The following ADAMTS17 variants were observed in gnomAD, a reference collection of about 807,000 sequenced individuals.
ADAMTS17 encodes ADAM metallopeptidase with thrombospondin type 1 motif 17, also known as A disintegrin and metalloproteinase with thrombospondin motifs 17.
In ADAMTS17, 113 loss-of-function variants were observed where a neutral mutation model predicts 141.5. The ratio of observed to expected loss-of-function variants is 0.80; its 90% confidence interval spans 0.69 to 0.93. The LOEUF is 0.93. Among genes scored for constraint, ADAMTS17 ranks in the 40% least tolerant of loss-of-function variants. The pLI, the probability that ADAMTS17 is intolerant of heterozygous loss-of-function variation, is 0.00. For synonymous variants in ADAMTS17, 768 were observed against 630.6 expected (o/e 1.22, Z -3.27); for missense variants, 1,659 against 1,517.9 (o/e 1.09, Z -1.54).
intron 20 of ADAMTS17, among the ~76,000 whole-genome samples, chr15:99,990,339 G>C (rs1204757593): frequency 6.6e-6 from 1 of 152,112 alleles, no homozygotes; most frequent in East Asian, 1.9e-4. Context: ...CCCAGCCAAA[G>C]CACACATATC....
chr15:100,019,366 C>G (rs553810387), intron 18 of ADAMTS17, among the ~76,000 whole-genome samples: 1 of 152,070 alleles, frequency 6.6e-6, no homozygotes, highest in African/African-American at 2.4e-5. Flanking sequence ...TATGACTTAA[C>G]GGATGTGAAA....
chr15:99,992,948 A>C (rs1406633297), intron 20 of ADAMTS17, 100 bp downstream of exon 20: 1 of 1,465,800 alleles, frequency 6.8e-7, no homozygotes. Context: ...TTACGCTGGG[A>C]CTGCCGCGTA....
intron 8 of ADAMTS17, among the ~76,000 whole-genome samples, chr15:100,182,228 G>A (rs535480858): frequency 2.0e-5 from 3 of 152,358 alleles, no homozygotes; most frequent in South Asian, 4.1e-4. Context: ...GGGGAAGCAA[G>A]GACCTTTTTC....
intron 7 of ADAMTS17, among the ~76,000 whole-genome samples, chr15:100,234,374 T>A (rs2042587925): frequency 6.6e-6 from 1 of 152,164 alleles, no homozygotes; most frequent in Non-Finnish European, 1.5e-5. Context: ...CATATGGTAG[T>A]CCAGTCCTGA....
chr15:100,003,782 G>A (rs2060977740), intron 18 of ADAMTS17, among the ~76,000 whole-genome samples: 1 of 152,070 alleles, frequency 6.6e-6, no homozygotes. Flanking sequence ...GAGAAATCCT[G>A]TGCAATTCCA....
chr15:100,072,436 C>A (rs961693987), intron 15 of ADAMTS17, among the ~76,000 whole-genome samples: 1 of 138,936 alleles, frequency 7.2e-6, no homozygotes, highest in Admixed American at 7.2e-5. Flanking sequence ...CAAAAAAGAG[C>A]CCGCATTGCC....
At chr15:100,289,164 C>T (rs80294554) in intron 3 of ADAMTS17, among the ~76,000 whole-genome samples, 2,060 of 152,190 alleles carry the variant, frequency 0.014, 42 homozygotes, top group African/African-American at 0.046. Flanking sequence ...GGGGACATTA[C>T]CACTAACTCC....
intron 3 of ADAMTS17, among the ~76,000 whole-genome samples, chr15:100,288,558 G>GTA (rs2044524693): frequency 6.6e-6 from 1 of 152,140 alleles, no homozygotes; most frequent in Non-Finnish European, 1.5e-5. Context: ...AAGCAACAGA[G>GTA]TATACATTCT....
chr15:100,071,358 T>C (rs535083197), intron 15 of ADAMTS17, among the ~76,000 whole-genome samples: 3 of 149,684 alleles, frequency 2.0e-5, no homozygotes, highest in Non-Finnish European at 4.5e-5. Flanking sequence ...TTCCAATCAA[T>C]AGAAAAAGAG....
At position 100,117,001 on chromosome 15, in the gene ADAMTS17, T is replaced by G; in HGVS notation, c.1734A>C (p.Gly578=). ...CACTGGCACCCGGGCAGTGTGTGCC[T>G]CCAGGCCCAGGGCTAGAAGGAAGAA... is the stretch of plus-strand genomic sequence containing the variant. ...RKCDNPPPGP[G]GTHCPGASVE... is the part of the protein sequence containing the mutation. The change falls in exon 13 of 22, where the codon GGA becomes GGC. Residue 578 remains glycine, a synonymous_variant. Coordinates refer to ENST00000268070, the MANE Select transcript of ADAMTS17 (RefSeq NM_139057.4). 1 of 1,611,854 alleles carries G rather than the reference T, an allele frequency of 6.2e-7. No individual in the cohort carries two copies. The highest frequency in any genetic ancestry group is 8.5e-7 in the Non-Finnish European group (1 of 1,179,202).
At chr15:100,216,354 G>A (rs1027625706) in intron 7 of ADAMTS17, among the ~76,000 whole-genome samples, 2 of 152,172 alleles carry the variant, frequency 1.3e-5, no homozygotes, top group East Asian at 1.9e-4. Context: ...CACAATGATC[G>A]GCAGTTTAGT....
At chr15:100,265,024 C>G (rs1351694349) in intron 4 of ADAMTS17, among the ~76,000 whole-genome samples, 1 of 152,174 alleles carries the variant, frequency 6.6e-6, no homozygotes, top group East Asian at 1.9e-4. Flanking sequence ...GCTTCATGCT[C>G]TAAATAATGT....
intron 4 of ADAMTS17, among the ~76,000 whole-genome samples, chr15:100,278,367 AAAT>A (rs934307897): frequency 6.6e-6 from 1 of 152,054 alleles, no homozygotes; most frequent in Admixed American, 6.5e-5. Context: ...ACTTGCAAAA[AAAT>A]AATGTTTAAG....
chr15:100,015,057 T>C (rs2061260543), intron 18 of ADAMTS17, among the ~76,000 whole-genome samples: 1 of 152,236 alleles, frequency 6.6e-6, no homozygotes, highest in Admixed American at 6.5e-5. Flanking sequence ...GTTAGGTGCA[T>C]ATATGTTTAG....
At chr15:100,336,803 C>T (rs909708115) in intron 2 of ADAMTS17, among the ~76,000 whole-genome samples, 1 of 152,126 alleles carries the variant, frequency 6.6e-6, no homozygotes, top group Admixed American at 6.5e-5. Context: ...TAGTAACATC[C>T]CAAACCTGCT....
chr15:99,994,618 G>A (rs1178198812), intron 19 of ADAMTS17, among the ~76,000 whole-genome samples: 1 of 152,198 alleles, frequency 6.6e-6, no homozygotes, highest in Non-Finnish European at 1.5e-5. Context: ...CCAGGCTGGA[G>A]TGCAGTGGTG....
intron 10 of ADAMTS17, among the ~76,000 whole-genome samples, chr15:100,149,225 C>T (rs2141335235): frequency 1.3e-5 from 2 of 152,384 alleles, no homozygotes; most frequent in Middle Eastern, 6.8e-3. Context: ...TTGACTGATA[C>T]ATGTCCCAGG....
intron 15 of ADAMTS17, among the ~76,000 whole-genome samples, chr15:100,067,321 T>C (rs368805414): frequency 6.6e-6 from 1 of 152,148 alleles, no homozygotes; most frequent in South Asian, 2.1e-4. Context: ...TGTCTTCCCT[T>C]ATGATATTGA....
chr15:100,038,414 A>C (rs2622533), intron 18 of ADAMTS17, among the ~76,000 whole-genome samples: 7,028 of 152,278 alleles, frequency 0.046, 333 homozygotes, highest in African/African-American at 0.12. Context: ...AGATGGCTTA[A>C]ATTTTGATAG....
Sources: gnomAD v4.1 joint callset for allele counts (sites outside exome capture counted in the v4.1 genomes callset) on GRCh38, gnomAD v4.1.1 for gene constraint, MANE v1.5 for transcripts, NCBI Gene and HGNC (gene_info 2026-07-23, HGNC 2026-07-21) for gene names.